KCND3: variants seen among roughly 807,000 people sequenced by gnomAD.
The protein encoded by KCND3 is A-type voltage-gated potassium channel KCND3.
Under a neutral mutation model 51.1 loss-of-function variants are expected in KCND3, and 9 were observed. The observed-to-expected ratio is 0.18, with a 90% CI of 0.11 to 0.31. The LOEUF (loss-of-function observed/expected upper bound fraction) is 0.31. Ranked by LOEUF, KCND3 falls within the 10% of genes least tolerant of loss-of-function variation. The pLI is 1.00. For synonymous variants in KCND3, 349 were observed against 368.0 expected (o/e 0.95, Z 0.59); for missense variants, 526 against 903.8 (o/e 0.58, Z 5.36).
chr1:111,920,225 C>A (rs898823080), intron 2 of KCND3, among the ~76,000 whole-genome samples: 2 of 152,208 alleles, frequency 1.3e-5, no homozygotes, highest in Non-Finnish European at 2.9e-5. Context: ...CAGAAGCAAA[C>A]CCTTGGGGAG....
chr1:111,869,829 G>A (rs1345101844), intron 2 of KCND3, among the ~76,000 whole-genome samples: 2 of 152,156 alleles, frequency 1.3e-5, no homozygotes, highest in Non-Finnish European at 2.9e-5. Flanking sequence ...GCCAGTAAGT[G>A]GTGGATCCAG....
chr1:111,968,835 TGA>T (rs1674165158), intron 2 of KCND3, among the ~76,000 whole-genome samples: 1 of 152,140 alleles, frequency 6.6e-6, no homozygotes, highest in Non-Finnish European at 1.5e-5. Flanking sequence ...GCTGAAAGGC[TGA>T]GTGATACCCA....
Position 111,777,277 on chromosome 1 carries a change from C to A in KCND3, c.1519-4G>T, listed in dbSNP as rs72548732. 3,771 of 1,613,974 alleles carry A rather than the reference C, an allele frequency of 2.3e-3. 65 individuals carry two copies. In the African/African-American group the frequency reaches 0.039, roughly 16 times the overall value. ...GCTCATCAATAAACTCGTGGTTCTGCGGGAGGCAGAAGGAGAAGAAGTAGG... is the reference window on the plus strand; with the variant it reads ...GCTCATCAATAAACTCGTGGTTCTGAGGGAGGCAGAAGGAGAAGAAGTAGG... On this transcript the variant is annotated splice_region_variant and splice_polypyrimidine_tract_variant and intron_variant, in intron 6 of 7. Coordinates refer to ENST00000302127, the MANE Select transcript of KCND3 (RefSeq NM_001378969.1).
chr1:111,931,682 C>G (rs558291065), intron 2 of KCND3, among the ~76,000 whole-genome samples: 1 of 152,196 alleles, frequency 6.6e-6, no homozygotes, highest in African/African-American at 2.4e-5. Flanking sequence ...CAGCACAAAA[C>G]GAAGGCTTAG....
chr1:111,781,303 T>G (rs1446639911), intron 3 of KCND3, among the ~76,000 whole-genome samples: 1 of 152,156 alleles, frequency 6.6e-6, no homozygotes, highest in Non-Finnish European at 1.5e-5. Flanking sequence ...TCCTCTGCAA[T>G]TTTTTTCTTT....
chr1:111,804,387 G>A (rs1307745093), intron 2 of KCND3, among the ~76,000 whole-genome samples: 1 of 152,186 alleles, frequency 6.6e-6, no homozygotes, highest in Non-Finnish European at 1.5e-5. Context: ...ACCCTGTTGC[G>A]ACTGCACGCA....
intron 2 of KCND3, among the ~76,000 whole-genome samples, chr1:111,929,246 C>G (rs982754347): frequency 7.2e-5 from 11 of 152,124 alleles, no homozygotes; most frequent in African/African-American, 2.4e-4. Flanking sequence ...CTGCATTCTG[C>G]CCCCCACAAC....
chr1:111,988,855 C>A (rs1177416016), intron 1 of KCND3: 8 of 152,350 alleles, frequency 5.3e-5, no homozygotes, highest in Non-Finnish European at 1.2e-4. Flanking sequence ...CAAATGTCAA[C>A]ACTAAGCAAG....
intron 2 of KCND3, among the ~76,000 whole-genome samples, chr1:111,862,205 G>A (rs976997609): frequency 2.0e-5 from 3 of 152,222 alleles, no homozygotes; most frequent in Non-Finnish European, 4.4e-5. Flanking sequence ...TTAGCTGAAG[G>A]GGTTGGCAAA....
At chr1:111,958,804 G>A (rs1247534374) in intron 2 of KCND3, among the ~76,000 whole-genome samples, 1 of 152,120 alleles carries the variant, frequency 6.6e-6, no homozygotes, top group Admixed American at 6.5e-5. Context: ...GGTTGTGGAG[G>A]GTTTTCATTG....
intron 2 of KCND3, among the ~76,000 whole-genome samples, chr1:111,810,508 C>T (rs1665799138): frequency 3.3e-5 from 5 of 152,236 alleles, no homozygotes. Flanking sequence ...CTCCAAGCTC[C>T]CATCCTGGCT....
chr1:111,890,705 C>T (rs1344780558), intron 2 of KCND3, among the ~76,000 whole-genome samples: 1 of 151,996 alleles, frequency 6.6e-6, no homozygotes, highest in African/African-American at 2.4e-5. Context: ...GGCTCTCCTG[C>T]CCAGGAAGGA....
chr1:111,906,135 A>T (rs1202464710), intron 2 of KCND3, among the ~76,000 whole-genome samples: 1 of 152,212 alleles, frequency 6.6e-6, no homozygotes, highest in Middle Eastern at 3.2e-3. Context: ...GGGTGGGAAG[A>T]GTATACTAAT....
intron 2 of KCND3, among the ~76,000 whole-genome samples, chr1:111,834,871 G>A (rs1337424951): frequency 6.6e-6 from 1 of 152,198 alleles, no homozygotes; most frequent in Non-Finnish European, 1.5e-5. Context: ...CAGCCAGGAT[G>A]CCCAGCTGTG....
At chr1:111,839,533 A>G (rs1362909518) in intron 2 of KCND3, among the ~76,000 whole-genome samples, 4 of 152,268 alleles carry the variant, frequency 2.6e-5, no homozygotes, top group Admixed American at 2.6e-4. Context: ...TTACTTAAAA[A>G]TAACAAAACC....
At chr1:111,955,295 T>G (rs1673272638) in intron 2 of KCND3, among the ~76,000 whole-genome samples, 1 of 152,086 alleles carries the variant, frequency 6.6e-6, no homozygotes, top group Admixed American at 6.5e-5. Flanking sequence ...ATGCCTGTAT[T>G]CCCTGCTACT....
At chr1:111,799,611 G>C (rs1665203877) in intron 2 of KCND3, among the ~76,000 whole-genome samples, 1 of 152,182 alleles carries the variant, frequency 6.6e-6, no homozygotes, top group African/African-American at 2.4e-5. Context: ...ACAAGAAGGA[G>C]GGCAATAAAG....
At chr1:111,797,607 T>A (rs753404755) in intron 2 of KCND3, among the ~76,000 whole-genome samples, 7 of 152,172 alleles carry the variant, frequency 4.6e-5, no homozygotes, top group Non-Finnish European at 1.0e-4. Flanking sequence ...GAAGGATGTA[T>A]GCAGGGTCCT....
intron 2 of KCND3, among the ~76,000 whole-genome samples, chr1:111,972,291 GC>G (rs1252188610): frequency 2.0e-4 from 29 of 146,586 alleles, no homozygotes; most frequent in African/African-American, 7.3e-4. Flanking sequence ...TCCTGCCTCA[GC>G]CTCCCAAGTA....
Sources: gnomAD v4.1 joint callset for allele counts (sites outside exome capture counted in the v4.1 genomes callset) on GRCh38, gnomAD v4.1.1 for gene constraint, MANE v1.5 for transcripts, NCBI Gene and HGNC (gene_info 2026-07-23, HGNC 2026-07-21) for gene names.